Variants in SPDYA observed in about 807,000 individuals in gnomAD.
SPDYA encodes speedy protein A.
SPDYA carries 11 observed loss-of-function variants against 36.7 expected under a neutral mutation model. The ratio of observed to expected loss-of-function variants is 0.30; its 90% confidence interval spans 0.19 to 0.50. The LOEUF (loss-of-function observed/expected upper bound fraction) is 0.50, where lower values mean the gene tolerates loss of function less well. Ranked by LOEUF, SPDYA falls within the 20% of genes least tolerant of loss-of-function variation. SPDYA has a pLI of 0.98. For missense variants in SPDYA, 287 were observed against 370.9 expected, an observed-to-expected ratio of 0.77 and a Z score of 1.86; for synonymous variants, 115 against 118.7, an observed-to-expected ratio of 0.97 and a Z score of 0.20.
At chr2:28,827,823 T>A (rs1201779579) in intron 5 of SPDYA, among the ~76,000 whole-genome samples, 1 of 152,220 alleles carries the variant, frequency 6.6e-6, no homozygotes, top group African/African-American at 2.4e-5. Flanking sequence ...CTCCTTCAAA[T>A]GTCTTCTGTC....
At chr2:28,816,525 C>G (rs1667986791) in intron 3 of SPDYA, among the ~76,000 whole-genome samples, 1 of 152,098 alleles carries the variant, frequency 6.6e-6, no homozygotes, top group South Asian at 2.1e-4. Context: ...AATTCAACTT[C>G]ATAGCCCATG....
Position 28,829,286 on chromosome 2 carries a change from T to C in SPDYA, c.519T>C (p.Tyr173=). 1.2e-6 allele frequency: 2 copies of C among 1,613,710 alleles called. No homozygotes were observed. Among genetic ancestry groups the C allele is most frequent in the South Asian group, 1.1e-5 (1 of 91,016 alleles). ...LRDQLWDRID[Y]RAIVSRRCCE... ...ACCAGCTCTGGGATAGAATTGACTA[T>C]AGGGCTATTGTAAGCAGGCGATGTT... is the stretch of plus-strand genomic sequence containing the variant. Residue 173 remains tyrosine, a synonymous_variant, in exon 6 of 8, where the codon TAT becomes TAC. Transcript: ENST00000334056.
At chr2:28,839,565 G>A (rs1347052309) in intron 6 of SPDYA, among the ~76,000 whole-genome samples, 1 of 152,100 alleles carries the variant, frequency 6.6e-6, no homozygotes, top group Non-Finnish European at 1.5e-5. Flanking sequence ...GCAGTGACGC[G>A]ATCTCGGCTC....
chr2:28,829,766 A>G (rs1177813353), intron 6 of SPDYA, among the ~76,000 whole-genome samples: 1 of 151,702 alleles, frequency 6.6e-6, no homozygotes, highest in Admixed American at 6.6e-5. Flanking sequence ...ACATGGTGAA[A>G]CCCGTCTCTA....
At chr2:28,844,567 G>A (rs1021440630) in intron 7 of SPDYA, among the ~76,000 whole-genome samples, 1 of 152,144 alleles carries the variant, frequency 6.6e-6, no homozygotes, top group Non-Finnish European at 1.5e-5. Context: ...TAATGTAAGC[G>A]TTCTGAGCAC....
chr2:28,829,442 G>A lies in SPDYA; in HGVS notation c.552+123G>A, dbSNP rs1668419824. The A allele has an allele frequency of 9.8e-6, 8 of 813,872 alleles. No individual in the cohort carries two copies. In the South Asian group the frequency reaches 1.5e-4, roughly 15 times the overall value. 50.4% of individuals were successfully genotyped at this position (813,872 alleles called of 1,614,324 possible). On this transcript the variant is annotated intron_variant, in intron 6 of 7. Coordinates refer to ENST00000334056, the MANE Select transcript of SPDYA (RefSeq NM_182756.4). Reference sequence around the variant, plus strand: ...GTTTTTTTTTTTTTTCTAATATGTGGAGTAGACCATTGATCATTACCATGA... The same window carrying A: ...GTTTTTTTTTTTTTTCTAATATGTGAAGTAGACCATTGATCATTACCATGA...
intron 7 of SPDYA, among the ~76,000 whole-genome samples, chr2:28,847,739 C>CT (rs1668915712): frequency 1.2e-5 from 1 of 82,390 alleles, no homozygotes; most frequent in Non-Finnish European, 2.6e-5. Flanking sequence ...GAGCAAGACT[C>CT]TGTCTCAAAA....
At chr2:28,848,510 T>C (rs1003559624) in intron 7 of SPDYA, among the ~76,000 whole-genome samples, 20 of 152,250 alleles carry the variant, frequency 1.3e-4, no homozygotes, top group African/African-American at 4.3e-4. Flanking sequence ...TCATAGTACC[T>C]TGTACTTCTT....
intron 6 of SPDYA, among the ~76,000 whole-genome samples, chr2:28,829,801 G>A (rs573381405): frequency 6.6e-5 from 10 of 152,006 alleles, no homozygotes; most frequent in African/African-American, 1.7e-4. Flanking sequence ...AAAATTAGCC[G>A]GGCGTGGTGG....
At chr2:28,828,091 A>C (rs1468492680) in intron 5 of SPDYA, among the ~76,000 whole-genome samples, 1 of 151,738 alleles carries the variant, frequency 6.6e-6, no homozygotes, top group African/African-American at 2.4e-5. Context: ...GGTTCAAGCG[A>C]TTCTCCTGCC....
chr2:28,844,942 AAAAAT>A (rs1169119188), intron 7 of SPDYA, among the ~76,000 whole-genome samples: 4 of 152,176 alleles, frequency 2.6e-5, no homozygotes, highest in Non-Finnish European at 5.9e-5. Context: ...CAAAAAAGAA[AAAAAT>A]AAAATAAAAA....
intron 6 of SPDYA, among the ~76,000 whole-genome samples, chr2:28,832,434 G>A (rs906751547): frequency 6.6e-6 from 1 of 151,850 alleles, no homozygotes; most frequent in African/African-American, 2.4e-5. Flanking sequence ...CCTTTCTATT[G>A]GTATTAACTT....
At chr2:28,814,265 A>G (rs1667928749) in intron 1 of SPDYA, among the ~76,000 whole-genome samples, 1 of 152,198 alleles carries the variant, frequency 6.6e-6, no homozygotes. Context: ...TAAAAATAGG[A>G]CTGCATTTCA....
chr2:28,835,326 A>T (rs928022791), intron 6 of SPDYA, among the ~76,000 whole-genome samples: 12 of 151,902 alleles, frequency 7.9e-5, no homozygotes, highest in African/African-American at 2.7e-4. Flanking sequence ...CCTGGGTTCA[A>T]GCGATTCTCC....
intron 6 of SPDYA, among the ~76,000 whole-genome samples, chr2:28,834,503 TA>T (rs1431014464): frequency 2.0e-5 from 3 of 152,078 alleles, no homozygotes; most frequent in Admixed American, 1.3e-4. Flanking sequence ...ATAAACAAAA[TA>T]AGGTATATCC....
chr2:28,829,679 C>G (rs567178811), intron 6 of SPDYA, among the ~76,000 whole-genome samples: 12 of 151,968 alleles, frequency 7.9e-5, no homozygotes, highest in Admixed American at 2.6e-4. Flanking sequence ...TGCGGTGGCT[C>G]ACGCCTGTAA....
chr2:28,829,369 CTTA>C (rs778359195), intron 6 of SPDYA, 50 bp downstream of exon 6: 1 of 1,496,040 alleles, frequency 6.7e-7, no homozygotes, highest in South Asian at 1.3e-5. Context: ...TTCTGTTTAT[CTTA>C]TTATCCTTGT....
chr2:28,816,637 T>C (rs1489239665), intron 3 of SPDYA, among the ~76,000 whole-genome samples: 2 of 152,208 alleles, frequency 1.3e-5, no homozygotes, highest in Admixed American at 1.3e-4. Flanking sequence ...GGACTTTCTC[T>C]GCTAAACCCA....
chr2:28,830,283 A>G (rs1487036963), intron 6 of SPDYA, among the ~76,000 whole-genome samples: 1 of 146,704 alleles, frequency 6.8e-6, no homozygotes, highest in Non-Finnish European at 1.5e-5. Flanking sequence ...TGCTCACTAC[A>G]AGCTCCGCCT....
Sources: gnomAD v4.1 joint callset for allele counts (sites outside exome capture counted in the v4.1 genomes callset) on GRCh38, gnomAD v4.1.1 for gene constraint, MANE v1.5 for transcripts, NCBI Gene and HGNC (gene_info 2026-07-23, HGNC 2026-07-21) for gene names.